The following TTC27 variants were observed in gnomAD, a reference collection of about 807,000 sequenced individuals.
TTC27 encodes tetratricopeptide repeat protein 27.
A neutral mutation model predicts 115.9 loss-of-function variants in TTC27; 79 were observed. That is an observed-to-expected ratio of 0.68 (90% CI 0.57 to 0.82). The LOEUF is 0.82. Ranked by LOEUF, TTC27 falls within the 40% of genes least tolerant of loss-of-function variation. The pLI is 0.00. For synonymous variants in TTC27, 401 were observed against 356.0 expected, an observed-to-expected ratio of 1.13 and a Z score of -1.42; for missense variants, 1,054 against 993.1, an observed-to-expected ratio of 1.06 and a Z score of -0.82.
At chr2:32,717,715 C>T (rs1257592124) in intron 10 of TTC27, among the ~76,000 whole-genome samples, 3 of 152,152 alleles carry the variant, frequency 2.0e-5, no homozygotes, top group Admixed American at 2.0e-4. Context: ...GAAGTCATTA[C>T]CTCAATATCG....
chr2:32,746,613 A>ATAG (rs1168304027), intron 12 of TTC27, among the ~76,000 whole-genome samples: 1 of 149,552 alleles, frequency 6.7e-6, no homozygotes, highest in Non-Finnish European at 1.5e-5. Flanking sequence ...CCATGGGGAA[A>ATAG]TAGTAACCAA....
At chr2:32,642,069 C>G (rs1664671627) in intron 4 of TTC27, among the ~76,000 whole-genome samples, 1 of 151,812 alleles carries the variant, frequency 6.6e-6, no homozygotes, top group Non-Finnish European at 1.5e-5. Context: ...ATTGGTCAGG[C>G]TGGTCTCGAA....
chr2:32,671,962 T>C (rs1666030429), intron 7 of TTC27, among the ~76,000 whole-genome samples: 1 of 152,228 alleles, frequency 6.6e-6, no homozygotes, highest in Admixed American at 6.5e-5. Context: ...CTATGATTGT[T>C]GTGAGGAAGA....
chr2:32,759,505 C>G (rs892145297), intron 13 of TTC27, among the ~76,000 whole-genome samples: 1 of 152,078 alleles, frequency 6.6e-6, no homozygotes, highest in Admixed American at 6.6e-5. Context: ...CATCTATAAT[C>G]CCAGCACTTT....
intron 18 of TTC27, among the ~76,000 whole-genome samples, chr2:32,815,130 A>G (rs1019250880): frequency 6.6e-6 from 1 of 150,918 alleles, no homozygotes; most frequent in Non-Finnish European, 1.5e-5. Flanking sequence ...GGGTGGGCTA[A>G]AGTGTTTCAG....
intron 12 of TTC27, among the ~76,000 whole-genome samples, chr2:32,748,519 T>C (rs978696515): frequency 6.6e-6 from 1 of 152,214 alleles, no homozygotes; most frequent in Non-Finnish European, 1.5e-5. Context: ...AAGTTAGGTA[T>C]TGACATCTCC....
chr2:32,731,034 G>C (rs567921344), intron 10 of TTC27, among the ~76,000 whole-genome samples: 3 of 152,282 alleles, frequency 2.0e-5, no homozygotes, highest in Admixed American at 1.3e-4. Flanking sequence ...GTGCAGGAGT[G>C]AAAATAGGCT....
intron 13 of TTC27, among the ~76,000 whole-genome samples, chr2:32,769,348 G>A (rs972174881): frequency 5.3e-5 from 8 of 152,212 alleles, no homozygotes; most frequent in African/African-American, 1.7e-4. Context: ...ATTGGATTTG[G>A]AGCTCACTGA....
chr2:32,653,755 A>G (rs754183306), intron 5 of TTC27, among the ~76,000 whole-genome samples: 3 of 152,344 alleles, frequency 2.0e-5, no homozygotes, highest in Admixed American at 6.5e-5. Flanking sequence ...TCATTTTAGC[A>G]TAGCATTTAA....
intron 10 of TTC27, among the ~76,000 whole-genome samples, chr2:32,729,818 C>T (rs1572555993): frequency 6.6e-6 from 1 of 152,038 alleles, no homozygotes; most frequent in South Asian, 2.1e-4. Flanking sequence ...CTTCTTCTCC[C>T]CCTGTCTCCA....
chr2:32,650,496 G>T (rs1017744857), intron 5 of TTC27, among the ~76,000 whole-genome samples: 3 of 151,224 alleles, frequency 2.0e-5, no homozygotes, highest in Non-Finnish European at 2.9e-5. Context: ...CTCTATGTAG[G>T]TCACCATGAT....
chr2:32,718,125 AT>A (rs1298615442), intron 10 of TTC27, among the ~76,000 whole-genome samples: 2 of 152,164 alleles, frequency 1.3e-5, no homozygotes, highest in Admixed American at 1.3e-4. Flanking sequence ...ATAAGCAATT[AT>A]GACTCTATAG....
At chr2:32,710,709 G>A (rs527289776) in intron 10 of TTC27, among the ~76,000 whole-genome samples, 3 of 152,030 alleles carry the variant, frequency 2.0e-5, no homozygotes, top group South Asian at 2.1e-4. Flanking sequence ...GATTACAGAC[G>A]TGAGCCACCA....
intron 15 of TTC27, among the ~76,000 whole-genome samples, chr2:32,786,147 A>T (rs1670341382): frequency 6.6e-6 from 1 of 150,964 alleles, no homozygotes; most frequent in South Asian, 2.1e-4. Context: ...TTTAACATGG[A>T]GTCTTGCTCT....
At chr2:32,725,813 C>A (rs1261601054) in intron 10 of TTC27, among the ~76,000 whole-genome samples, 1 of 152,214 alleles carries the variant, frequency 6.6e-6, no homozygotes, top group Non-Finnish European at 1.5e-5. Context: ...TGACAGCCTG[C>A]CCCTGCAGCA....
At chr2:32,749,765 C>G (rs1668947739) in intron 12 of TTC27, among the ~76,000 whole-genome samples, 1 of 152,060 alleles carries the variant, frequency 6.6e-6, no homozygotes, top group Admixed American at 6.6e-5. Context: ...ATTTCTTTCT[C>G]TCAAAAATGG....
intron 12 of TTC27, among the ~76,000 whole-genome samples, chr2:32,754,481 T>G (rs954534996): frequency 3.3e-5 from 5 of 149,592 alleles, no homozygotes; most frequent in East Asian, 1.9e-4. Context: ...AGATCAACAG[T>G]ATCCCAAGGC....
At chr2:32,662,589 G>A (rs925918208) in intron 5 of TTC27, among the ~76,000 whole-genome samples, 3 of 152,158 alleles carry the variant, frequency 2.0e-5, no homozygotes, top group African/African-American at 7.2e-5. Flanking sequence ...ATGGTAGTTT[G>A]TATTTCTGTG....
At chr2:32,759,668 C>T (rs1312065228) in intron 13 of TTC27, among the ~76,000 whole-genome samples, 1 of 152,136 alleles carries the variant, frequency 6.6e-6, no homozygotes, top group Non-Finnish European at 1.5e-5. Flanking sequence ...AACCAATCTC[C>T]AGAACTTTTT....
Sources: gnomAD v4.1 joint callset for allele counts (sites outside exome capture counted in the v4.1 genomes callset) on GRCh38, gnomAD v4.1.1 for gene constraint, MANE v1.5 for transcripts, NCBI Gene and HGNC (gene_info 2026-07-23, HGNC 2026-07-21) for gene names.